The following HHAT variants were observed in gnomAD, a reference collection of about 807,000 sequenced individuals.
The protein encoded by HHAT is hedgehog acyltransferase, also known as protein-cysteine N-palmitoyltransferase HHAT.
In HHAT, 47 loss-of-function variants were observed where a neutral mutation model predicts 70.8. The observed-to-expected ratio is 0.66, with a 90% CI of 0.53 to 0.85. The LOEUF is 0.85. Among genes scored for constraint, HHAT ranks in the 40% least tolerant of loss-of-function variants. The pLI, the probability that HHAT is intolerant of heterozygous loss-of-function variation, is 0.00. For synonymous variants in HHAT, 228 were observed against 247.6 expected, an observed-to-expected ratio of 0.92 and a Z score of 0.74; for missense variants, 609 against 604.8, an observed-to-expected ratio of 1.01 and a Z score of -0.07.
chr1:210,358,009 G>A (rs2087835385), intron 2 of HHAT, among the ~76,000 whole-genome samples: 1 of 152,130 alleles, frequency 6.6e-6, no homozygotes, highest in Non-Finnish European at 1.5e-5. Context: ...CCTTACATAG[G>A]AGAGTGTTGG....
At chr1:210,402,074 T>G (rs1054106153) in intron 5 of HHAT, among the ~76,000 whole-genome samples, 1 of 152,202 alleles carries the variant, frequency 6.6e-6, no homozygotes, top group Non-Finnish European at 1.5e-5. Flanking sequence ...GGTCTGTGGC[T>G]GCAGGGGAGT....
At chr1:210,358,562 G>A (rs942059020) in intron 2 of HHAT, among the ~76,000 whole-genome samples, 18 of 152,272 alleles carry the variant, frequency 1.2e-4, no homozygotes, top group African/African-American at 3.6e-4. Flanking sequence ...GTTGCTTACC[G>A]CTAAATTCTC....
chr1:210,519,370 T>C (rs1176869712), intron 9 of HHAT, among the ~76,000 whole-genome samples: 3 of 152,142 alleles, frequency 2.0e-5, no homozygotes, highest in Non-Finnish European at 2.9e-5. Flanking sequence ...ATATACCCAG[T>C]AGTGGGATTG....
chr1:210,508,502 T>C (rs903257868), intron 8 of HHAT, among the ~76,000 whole-genome samples: 1 of 110,552 alleles, frequency 9.0e-6, no homozygotes. Flanking sequence ...ATATGTTTGG[T>C]TTATTTTTTT....
chr1:210,440,696 A>G (rs932178825), intron 7 of HHAT, among the ~76,000 whole-genome samples: 1 of 151,824 alleles, frequency 6.6e-6, no homozygotes, highest in Non-Finnish European at 1.5e-5. Flanking sequence ...GACTCCAGAC[A>G]GTAATTTGAT....
intron 8 of HHAT, among the ~76,000 whole-genome samples, chr1:210,489,081 G>A (rs180979222): frequency 6.6e-6 from 1 of 152,128 alleles, no homozygotes. Flanking sequence ...CTTAAGTAAC[G>A]TTCTTTCTAC....
At chr1:210,471,268 C>T (rs719835) in intron 8 of HHAT, among the ~76,000 whole-genome samples, 19,249 of 152,028 alleles carry the variant, frequency 0.13, 1,572 homozygotes, top group South Asian at 0.21. Context: ...AGTATTAATA[C>T]GTGACATGCC....
chr1:210,670,000 G>T (rs1223351575), intron 11 of HHAT, among the ~76,000 whole-genome samples: 1 of 152,124 alleles, frequency 6.6e-6, no homozygotes, highest in Admixed American at 6.5e-5. Context: ...CAGTGGGGAG[G>T]GGTGCATGGG....
In HHAT at chr1:210,511,780, CTTTTTTTTTTT is replaced by C. The variant is rs201825628; in HGVS notation, c.1008-1356_1008-1346del. 1.6e-4 allele frequency among the ~76,000 whole-genome samples: 14 copies of C among 88,480 alleles called. 2 individuals carry two copies. In the South Asian group the frequency reaches 5.0e-3, roughly 32 times the overall value. The allele number at this position is 88,480 out of a possible 152,430, so 58.0% of individuals were successfully genotyped here. Reference sequence around the variant, plus strand: ...ATCATCATGATTCTGGCCGCCTGGTCTTTTTTTTTTTTTTTTTTTTTTTTTTTGAGATGGAG... The same window carrying C: ...ATCATCATGATTCTGGCCGCCTGGTCTTTTTTTTTTTTTTTTGAGATGGAG... On this transcript the variant is annotated intron_variant, in intron 8 of 11. Coordinates refer to ENST00000261458, the MANE Select transcript of HHAT (RefSeq NM_018194.6).
intron 9 of HHAT, among the ~76,000 whole-genome samples, chr1:210,578,103 A>ATG (rs1658336901): frequency 6.6e-6 from 1 of 152,216 alleles, no homozygotes; most frequent in Non-Finnish European, 1.5e-5. Context: ...AGAATCCACC[A>ATG]GTGAAGACAT....
At chr1:210,592,646 T>C (rs1367291696) in intron 10 of HHAT, among the ~76,000 whole-genome samples, 2 of 152,154 alleles carry the variant, frequency 1.3e-5, no homozygotes, top group Non-Finnish European at 2.9e-5. Flanking sequence ...TTAACAATAT[T>C]GATTATTTCA....
At chr1:210,391,866 T>A (rs548583052) in intron 4 of HHAT, among the ~76,000 whole-genome samples, 1 of 152,016 alleles carries the variant, frequency 6.6e-6, no homozygotes, top group South Asian at 2.1e-4. Flanking sequence ...CAGTGCTATG[T>A]GATTTTTTTT....
At chr1:210,600,802 A>C (rs1431325716) in intron 10 of HHAT, among the ~76,000 whole-genome samples, 1 of 152,086 alleles carries the variant, frequency 6.6e-6, no homozygotes, top group Non-Finnish European at 1.5e-5. Flanking sequence ...TCTCCTTTGA[A>C]GGAAGGCTCC....
At chr1:210,327,896 A>G (rs943019890), upstream of HHAT, among the ~76,000 whole-genome samples, 5 of 152,182 alleles carry the variant, frequency 3.3e-5, no homozygotes, top group Non-Finnish European at 5.9e-5. Context: ...TGCTTACTGA[A>G]CACCATCCAG....
At chr1:210,422,396 A>G (rs1256481939) in intron 7 of HHAT, among the ~76,000 whole-genome samples, 3 of 152,196 alleles carry the variant, frequency 2.0e-5, no homozygotes, top group Non-Finnish European at 2.9e-5. Flanking sequence ...GTATCTTTTA[A>G]CAAATCTCTC....
intron 10 of HHAT, among the ~76,000 whole-genome samples, chr1:210,598,629 T>C (rs983369360): frequency 5.9e-5 from 9 of 152,172 alleles, no homozygotes; most frequent in African/African-American, 2.2e-4. Context: ...CAGTGCCAAG[T>C]CCCACAGTCA....
chr1:210,568,713 A>C (rs1558180464), intron 9 of HHAT, among the ~76,000 whole-genome samples: 1 of 152,092 alleles, frequency 6.6e-6, no homozygotes, highest in Admixed American at 6.5e-5. Context: ...TAAAGTTACA[A>C]AGTCATTTAC....
chr1:210,638,773 C>CA lies in HHAT; in HGVS notation c.1390+15104dup, dbSNP rs571832538. On this transcript the variant is annotated intron_variant, in intron 11 of 11. Coordinates refer to ENST00000261458, the MANE Select transcript of HHAT (RefSeq NM_018194.6). ...TCTTTTAAATAGCCAGGTGTGGTGG[C>CA]ATGTGCCTGTAGTCCCAGCTTCTCT... Among the ~76,000 whole-genome samples, 17 of 148,606 alleles carry CA rather than the reference C, an allele frequency of 1.1e-4. No homozygotes were observed. The South Asian group carries it at 3.7e-3, about 32-fold the overall frequency.
At chr1:210,424,590 C>T (rs560346674) in intron 7 of HHAT, among the ~76,000 whole-genome samples, 1 of 151,500 alleles carries the variant, frequency 6.6e-6, no homozygotes, top group South Asian at 2.1e-4. Context: ...CTTTTCCCTC[C>T]TCCCACCCTC....
Sources: gnomAD v4.1 joint callset for allele counts (sites outside exome capture counted in the v4.1 genomes callset) on GRCh38, gnomAD v4.1.1 for gene constraint, MANE v1.5 for transcripts, NCBI Gene and HGNC (gene_info 2026-07-23, HGNC 2026-07-21) for gene names.